Variants in SNW1 observed in about 807,000 individuals in gnomAD.
The protein encoded by SNW1 is SNW domain containing 1.
Under a neutral mutation model 75.6 loss-of-function variants are expected in SNW1, and 9 were observed. The observed-to-expected ratio is 0.12, with a 90% CI of 0.07 to 0.21. The LOEUF is 0.21. Among genes scored for constraint, SNW1 ranks in the 10% least tolerant of loss-of-function variants. The probability of loss-of-function intolerance (pLI) is 1.00; values close to 1 mark genes in which losing one functional copy is unlikely to be tolerated. For missense variants in SNW1, 409 were observed against 670.9 expected (o/e 0.61, Z 4.31); for synonymous variants, 200 against 219.1 (o/e 0.91, Z 0.77).
intron 3 of SNW1, among the ~76,000 whole-genome samples, chr14:77,749,623 C>T (rs554832934): frequency 6.6e-6 from 1 of 152,126 alleles, no homozygotes; most frequent in Non-Finnish European, 1.5e-5. Flanking sequence ...AAAAATTCAC[C>T]GGGCATGGTG....
chr14:77,731,182 TG>T, intron 9 of SNW1, 53 bp from the exon 10 acceptor site: 1 of 1,581,010 alleles, frequency 6.3e-7, no homozygotes, highest in South Asian at 1.2e-5. Context: ...TAAATATTTA[TG>T]GCTATCATCC....
chr14:77,742,193 G>A (rs553121881), intron 3 of SNW1, among the ~76,000 whole-genome samples: 7 of 151,908 alleles, frequency 4.6e-5, no homozygotes, highest in South Asian at 2.1e-4. Context: ...ATGACACCAC[G>A]TCCAGCTAAT....
At chr14:77,747,320 GC>G (rs2080768467) in intron 3 of SNW1, among the ~76,000 whole-genome samples, 2 of 152,166 alleles carry the variant, frequency 1.3e-5, no homozygotes, top group South Asian at 4.1e-4. Context: ...CGAGACTGCA[GC>G]CTCTGCCCGG....
Position 77,732,633 on chromosome 14 carries a change from C to T in SNW1, c.775-32G>A, listed in dbSNP as rs746250939. 3 of 1,139,720 alleles carry T rather than the reference C, an allele frequency of 2.6e-6. No individual in the cohort carries two copies. The African/African-American group carries it at 4.6e-5, about 18-fold the overall frequency. 70.6% of individuals were successfully genotyped at this position (1,139,720 alleles called of 1,614,324 possible). A position where few individuals can be genotyped will look rare whatever the true frequency, so the allele number is the denominator to read the frequency against. ...TGAAAGCAGACAGAAAACCCAGTCA[C>T]AGAAGTGCTTCAATTAATCGTCTGA... On this transcript the variant is annotated intron_variant, in intron 8 of 13. Coordinates refer to ENST00000261531, the MANE Select transcript of SNW1 (RefSeq NM_012245.3).
intron 1 of SNW1, among the ~76,000 whole-genome samples, chr14:77,759,942 A>G (rs1055122517): frequency 6.6e-6 from 1 of 152,196 alleles, no homozygotes; most frequent in East Asian, 1.9e-4. Context: ...ACACAGCGAG[A>G]CCGCATCTCA....
At chr14:77,755,768 T>G (rs2080838469) in intron 1 of SNW1, among the ~76,000 whole-genome samples, 1 of 150,470 alleles carries the variant, frequency 6.6e-6, no homozygotes, top group African/African-American at 2.5e-5. Flanking sequence ...AGACAGAGTC[T>G]CTCTGTGTCA....
chr14:77,728,218 G>A (rs1348958190), intron 10 of SNW1, among the ~76,000 whole-genome samples: 1 of 152,156 alleles, frequency 6.6e-6, no homozygotes, highest in Non-Finnish European at 1.5e-5. Flanking sequence ...GAGAGGCTGA[G>A]GCAGGTGGAT....
In SNW1 at chr14:77,720,611, T is replaced by G. The variant is rs866922548; in HGVS notation, c.1248+100A>C. On this transcript the variant is annotated intron_variant, in intron 12 of 13. Transcript: ENST00000261531. ...ACAACTTCCAATTTTTTTGTCATCA[T>G]GCTGGCATTTACATCCAAATGTAAA... is the stretch of plus-strand genomic sequence containing the variant. The G allele has an allele frequency of 5.9e-6, 5 of 845,480 alleles. No homozygotes were observed. The East Asian group carries it at 1.2e-4, about 20-fold the overall frequency. The allele number at this position is 845,480 out of a possible 1,614,324, so 52.4% of individuals were successfully genotyped here.
chr14:77,731,511 C>T (rs904032491), intron 9 of SNW1, among the ~76,000 whole-genome samples: 3 of 152,196 alleles, frequency 2.0e-5, no homozygotes, highest in African/African-American at 7.2e-5. Flanking sequence ...AGCTTGGGAC[C>T]AGCCTAGGCA....
Position 77,717,819 on chromosome 14 carries a change from G to GT in SNW1, c.*268dup. 1.7e-6 allele frequency: 1 copy of GT among 573,166 alleles called. No homozygotes were observed. The highest frequency in any genetic ancestry group is 2.4e-5 in the South Asian group (1 of 40,852). The allele number at this position is 573,166 out of a possible 1,614,324, so 35.5% of individuals were successfully genotyped here. On this transcript the variant is annotated 3_prime_UTR_variant, in exon 14 of 14. Coordinates refer to ENST00000261531, the MANE Select transcript of SNW1 (RefSeq NM_012245.3). ...CCCAAACTACTAGTGTCACATAAAA[G>GT]TAAGTGGTCTTGACTTTGTATGTGG...
intron 8 of SNW1, 104 bp from the exon 9 acceptor site, chr14:77,732,705 C>A: frequency 1.4e-6 from 1 of 705,774 alleles, no homozygotes. Flanking sequence ...TGCTCTGTCA[C>A]CCTGGCTGGA....
At chr14:77,751,849 A>ACACACACACAC (rs2080812134) in intron 2 of SNW1, among the ~76,000 whole-genome samples, 1 of 132,538 alleles carries the variant, frequency 7.5e-6, no homozygotes, top group Non-Finnish European at 1.7e-5. Flanking sequence ...CACACACCAC[A>ACACACACACAC]CACACACACA....
chr14:77,728,633 G>C (rs532552982), intron 10 of SNW1, among the ~76,000 whole-genome samples: 2 of 152,274 alleles, frequency 1.3e-5, no homozygotes, highest in South Asian at 4.1e-4. Context: ...ACCCTCGCCA[G>C]TCTGAGGGAA....
chr14:77,761,080 C>A, intron 1 of SNW1, 34 bp downstream of exon 1: 1 of 1,614,252 alleles, frequency 6.2e-7, no homozygotes, highest in South Asian at 1.1e-5. Flanking sequence ...ACTCCCAGAC[C>A]CTTCCGTATC....
chr14:77,720,392 C>T, intron 12 of SNW1: 1 of 651,902 alleles, frequency 1.5e-6, no homozygotes, highest in Non-Finnish European at 2.8e-6. Context: ...GCTTCGGCCT[C>T]CAAATGTGTT....
chr14:77,727,363 A>G (rs2080594028), intron 10 of SNW1, among the ~76,000 whole-genome samples: 1 of 151,978 alleles, frequency 6.6e-6, no homozygotes, highest in Non-Finnish European at 1.5e-5. Flanking sequence ...TTCCTTTCCA[A>G]TCTGGATGCC....
chr14:77,721,890 G>A (rs538103647), intron 11 of SNW1, among the ~76,000 whole-genome samples: 17 of 152,220 alleles, frequency 1.1e-4, no homozygotes, highest in African/African-American at 3.4e-4. Context: ...TGGGACTACC[G>A]GCATGTGCCA....
At chr14:77,742,995 G>A (rs1224446734) in intron 3 of SNW1, among the ~76,000 whole-genome samples, 2 of 151,940 alleles carry the variant, frequency 1.3e-5, no homozygotes, top group Non-Finnish European at 2.9e-5. Flanking sequence ...GGAGGCCGAG[G>A]TGGGTGGATC....
intron 6 of SNW1, among the ~76,000 whole-genome samples, 198 bp from the exon 7 acceptor site, chr14:77,736,204 C>G (rs1391933352): frequency 2.0e-5 from 3 of 152,192 alleles, no homozygotes; most frequent in African/African-American, 7.2e-5. Flanking sequence ...CACCCCACCT[C>G]CACAACATTA....
Sources: gnomAD v4.1 joint callset for allele counts (sites outside exome capture counted in the v4.1 genomes callset) on GRCh38, gnomAD v4.1.1 for gene constraint, MANE v1.5 for transcripts, NCBI Gene and HGNC (gene_info 2026-07-23, HGNC 2026-07-21) for gene names.